The following SPEN variants were observed in gnomAD, a reference collection of about 807,000 sequenced individuals.
SPEN encodes the protein msx2-interacting protein.
Under a neutral mutation model 269.9 loss-of-function variants are expected in SPEN, and 18 were observed. That is an observed-to-expected ratio of 0.07 (90% CI 0.05 to 0.10). SPEN has a LOEUF of 0.10. Ranked by LOEUF, SPEN falls within the 10% of genes least tolerant of loss-of-function variation. SPEN has a pLI of 1.00. For missense variants in SPEN, 3,822 were observed against 4,631.2 expected (o/e 0.83, Z 5.07); for synonymous variants, 1,726 against 1,765.7 (o/e 0.98, Z 0.56).
intron 3 of SPEN, among the ~76,000 whole-genome samples, chr1:15,887,703 A>G (rs2148717083): frequency 6.6e-6 from 1 of 151,314 alleles, no homozygotes. Context: ...TTTGAGACAT[A>G]GCAAGACCTC....
chr1:15,857,902 G>A (rs1323327788), intron 1 of SPEN, among the ~76,000 whole-genome samples: 2 of 151,946 alleles, frequency 1.3e-5, no homozygotes, highest in African/African-American at 4.8e-5. Context: ...GGCCGAGGTG[G>A]GTGGATCATG....
intron 2 of SPEN, among the ~76,000 whole-genome samples, chr1:15,875,280 T>TTTTAA (rs56007038): frequency 0.89 from 135,606 of 151,784 alleles, 60,955 homozygotes; most frequent in African/African-American, 0.96. Context: ...TAAATGATTG[T>TTTTAA]TTAAGTTAAG....
In SPEN at chr1:15,934,107, A is replaced by G. The variant is rs1402901823; in HGVS notation, c.7867A>G (p.Ser2623Gly). ...VIAPKITSVI[S>G]RMPVSIDLEN... ...TGCTCCCAAAATTACCTCTGTTATT[A>G]GCCGGATGCCTGTCAGCATTGACCT... Residue 2623 changes from serine to glycine, a missense_variant, in exon 11 of 15, where the codon AGC (serine) becomes GGC (glycine). Ser to Gly is a moderately conservative substitution (Grantham distance 56). Around this residue, in one of 16 missense-constraint regions of SPEN, gnomAD observed 329 missense variants for 431.2 expected, o/e 0.76. Coordinates refer to ENST00000375759, the MANE Select transcript of SPEN (RefSeq NM_015001.3). This position sits in a 1 kb window ranked among gnomAD's most constrained non-coding sequence, Gnocchi z 9.2. 6.2e-7 allele frequency: 1 copy of G among 1,613,548 alleles called. No homozygotes were observed. The highest frequency in any genetic ancestry group is 8.5e-7 in the Non-Finnish European group (1 of 1,179,530).
chr1:15,919,526 G>C lies in SPEN; in HGVS notation c.1635+9G>C. Reference sequence around the variant, plus strand: ...ATGGGCCTGTGGTAAAGGTAGGCGGGAGGTTTTGGTATGTGGTTCAGACTT... The same window carrying C: ...ATGGGCCTGTGGTAAAGGTAGGCGGCAGGTTTTGGTATGTGGTTCAGACTT... On this transcript the variant is annotated intron_variant, in intron 8 of 14. Coordinates refer to ENST00000375759, the MANE Select transcript of SPEN (RefSeq NM_015001.3). 6.4e-7 allele frequency: 1 copy of C among 1,568,518 alleles called. No homozygotes were observed. Among genetic ancestry groups the C allele is most frequent in the East Asian group, 2.3e-5 (1 of 43,298 alleles).
At chr1:15,894,410 G>A (rs900834754) in intron 3 of SPEN, among the ~76,000 whole-genome samples, 5 of 151,962 alleles carry the variant, frequency 3.3e-5, no homozygotes, top group African/African-American at 1.2e-4. Context: ...AGTGTGAAGG[G>A]TCCAGTAAAG....
chr1:15,858,742 C>T (rs898670873), intron 1 of SPEN, among the ~76,000 whole-genome samples: 1 of 152,086 alleles, frequency 6.6e-6, no homozygotes, highest in Admixed American at 6.6e-5. Flanking sequence ...CCAGACCAGT[C>T]TGGGCAACAT....
rs371899876 is a variant in SPEN, at chr1:15,932,163, C to T, written c.5923C>T (p.Leu1975Phe). 12 of 1,612,514 alleles carry T rather than the reference C, an allele frequency of 7.4e-6. No homozygotes were observed. In the African/African-American group the frequency reaches 1.5e-4, roughly 20 times the overall value. ...CGAGGCCAAGGAACCTGCAGAAACA[C>T]TCAAGCCACCTGAGGGATGGCGGTC... The part of the protein sequence containing the change: ...ENEAKEPAET[L>F]KPPEGWRSPR... Residue 1975 changes from leucine (L) to phenylalanine (F), a missense_variant, in exon 11 of 15, where the codon CTC becomes TTC. Coordinates refer to ENST00000375759, the MANE Select transcript of SPEN (RefSeq NM_015001.3). This position sits in a 1 kb window ranked among gnomAD's most constrained non-coding sequence, Gnocchi z 4.2.
intron 3 of SPEN, among the ~76,000 whole-genome samples, chr1:15,904,254 G>T (rs2070930767): frequency 6.6e-6 from 1 of 151,564 alleles, no homozygotes; most frequent in Non-Finnish European, 1.5e-5. Context: ...AAGGCGGGTG[G>T]ATTACTTGAG....
Position 15,872,954 on chromosome 1 carries a change from A to C in SPEN, c.222A>C (p.Leu74=). The C allele has an allele frequency of 6.2e-7, 1 of 1,614,148 alleles. No individual in the cohort carries two copies. Among genetic ancestry groups the C allele is most frequent in the Non-Finnish European group, 8.5e-7 (1 of 1,180,004 alleles). Residue 74 remains leucine, a synonymous_variant, in exon 2 of 15, where the codon CTA becomes CTC. Coordinates refer to ENST00000375759, the MANE Select transcript of SPEN (RefSeq NM_015001.3). ...NSVNKMGDRD[L]RTDYNEPGTI... Reference sequence around the variant, plus strand: ...TCAACAAAATGGGTGACAGAGACCTACGCACGGATTATAATGAACCAGGCA... The same window carrying C: ...TCAACAAAATGGGTGACAGAGACCTCCGCACGGATTATAATGAACCAGGCA...
chr1:15,870,901 C>T (rs80174365), intron 1 of SPEN, among the ~76,000 whole-genome samples: 5,316 of 152,240 alleles, frequency 0.035, 300 homozygotes, highest in African/African-American at 0.12. Context: ...CACATACCAA[C>T]GAACTGAAAA....
rs775330314 is a variant in SPEN at position 15,935,184 on chromosome 1, C to T, written c.8944C>T (p.Leu2982Phe). The T allele has an allele frequency of 6.2e-7, 1 of 1,614,040 alleles. No homozygotes were observed. The highest frequency in any genetic ancestry group is 8.5e-7 in the Non-Finnish European group (1 of 1,179,956). The change falls in exon 11 of 15, where the codon CTC becomes TTC. Residue 2982 changes from leucine to phenylalanine, a missense_variant. Leu to Phe is a conservative substitution (Grantham distance 22). Transcript: ENST00000375759. This position sits in a 1 kb window ranked among gnomAD's most constrained non-coding sequence, Gnocchi z 7.7. ...TCAGCCGGCCAACCTGGGGTCCACG[C>T]TCACGCCCCACCACCCTCCTGCTCT... Reference protein sequence around the residue: ...VLQPANLGSTLTPHHPPALPS... With the variant: ...VLQPANLGSTFTPHHPPALPS...
At chr1:15,873,907 TAAGC>T in intron 2 of SPEN, 1 of 1,136,818 alleles carries the variant, frequency 8.8e-7, no homozygotes, top group South Asian at 2.1e-5. Context: ...TATCATTTCT[TAAGC>T]AAGTTGCTGT....
chr1:15,908,947 T>C (rs2070986840), intron 3 of SPEN, among the ~76,000 whole-genome samples: 1 of 152,226 alleles, frequency 6.6e-6, no homozygotes, highest in Admixed American at 6.5e-5. Flanking sequence ...ATGTGCTATA[T>C]GTCTGATCCA....
In SPEN at chr1:15,929,244, G is replaced by A. The variant is rs778866039; in HGVS notation, c.3004G>A (p.Val1002Ile). ...AAAAGCAGAAAAGCAAAAACCAGAG[G>A]TCAAGAAAAGCAGTCCAGAGATGGA... ...NLKAEKQKPE[V>I]KKSSPEMEDA... Residue 1002 changes from valine (V) to isoleucine (I), a missense_variant, in exon 11 of 15, where the codon GTC (valine) becomes ATC (isoleucine). Around this residue, in one of 16 missense-constraint regions of SPEN, gnomAD observed 572 missense variants for 582.6 expected, o/e 0.98. Transcript: ENST00000375759. The surrounding 1 kb of genome is among the most constrained non-coding windows in gnomAD (Gnocchi z 5.8). 6.2e-7 allele frequency: 1 copy of A among 1,614,120 alleles called. No individual in the cohort carries two copies. Among genetic ancestry groups the A allele is most frequent in the Admixed American group, 1.7e-5 (1 of 60,014 alleles).
intron 1 of SPEN, among the ~76,000 whole-genome samples, chr1:15,865,874 A>ATT (rs1222860872): frequency 6.5e-5 from 9 of 137,804 alleles, no homozygotes; most frequent in East Asian, 2.2e-4. Context: ...AGGAGTTGTA[A>ATT]TTTTTTTTTT....
chr1:15,940,349 T>G lies in SPEN; in HGVS notation c.*922T>G, dbSNP rs2148746945. On this transcript the variant is annotated 3_prime_UTR_variant, in exon 15 of 15. Transcript: ENST00000375759. ...CCCCTCTTCCTATTACCTTGATCTC[T>G]TCCCCCAACTTCCTAACACTTATTA... 4.3e-6 allele frequency: 1 copy of G among 232,784 alleles called. No homozygotes were observed. The highest frequency in any genetic ancestry group is 1.8e-4 in the South Asian group (1 of 5,518). 14.4% of individuals were successfully genotyped at this position (232,784 alleles called of 1,614,324 possible).
At chr1:15,876,827 A>G (rs1253453517) in intron 3 of SPEN, 149 bp downstream of exon 3, 2 of 689,516 alleles carry the variant, frequency 2.9e-6, no homozygotes, top group Admixed American at 2.6e-5. Context: ...GCATGTGGCC[A>G]TTGAATTAAC....
At position 15,934,171 on chromosome 1, in the gene SPEN, C is replaced by T. The variant is rs754354554; in HGVS notation, c.7931C>T (p.Pro2644Leu). The change falls in exon 11 of 15, where the codon CCT becomes CTT. Residue 2644 changes from proline (P) to leucine (L), a missense_variant. Physicochemically the swap from Pro to Leu is moderately conservative, Grantham distance 98. This residue lies in a region of SPEN where 329 missense variants were observed against 431.2 expected (regional missense o/e 0.76). Coordinates refer to ENST00000375759, the MANE Select transcript of SPEN (RefSeq NM_015001.3). The surrounding 1 kb of genome is among the most constrained non-coding windows in gnomAD (Gnocchi z 9.2). ...AAGATAACCTTGGCAAAACCAGCTCCTCAAACCCTCACTGGTCTGGTGAGC... is the reference window on the plus strand; with the variant it reads ...AAGATAACCTTGGCAAAACCAGCTCTTCAAACCCTCACTGGTCTGGTGAGC... ...SQKITLAKPA[P>L]QTLTGLVSAL... 3 of 1,614,240 alleles carry T rather than the reference C, an allele frequency of 1.9e-6. No individual in the cohort carries two copies. In the South Asian group the frequency reaches 3.3e-5, roughly 18 times the overall value.
chr1:15,866,959 G>A (rs1285081402), intron 1 of SPEN, among the ~76,000 whole-genome samples: 1 of 152,094 alleles, frequency 6.6e-6, no homozygotes, highest in Admixed American at 6.6e-5. Context: ...GGTATTTTTT[G>A]TATTTTTGAA....
Sources: allele counts gnomAD v4.1 joint callset (sites outside exome capture counted in the v4.1 genomes callset), GRCh38; gene constraint gnomAD v4.1.1; regional missense constraint gnomAD v4.1.1; non-coding constraint Gnocchi (gnomAD v3.1); transcripts MANE v1.5; gene names NCBI Gene and HGNC (gene_info 2026-07-23, HGNC 2026-07-21).